GLI3: variants seen among roughly 807,000 people sequenced by gnomAD.
GLI3 encodes GLI family zinc finger 3.
Under a neutral mutation model 100.8 loss-of-function variants are expected in GLI3, and 20 were observed. The ratio of observed to expected loss-of-function variants is 0.20; its 90% CI spans 0.14 to 0.29. The LOEUF (loss-of-function observed/expected upper bound fraction) is 0.29. GLI3 is among the 10% of genes least tolerant of loss of function. The pLI is 1.00. For synonymous variants in GLI3, 938 were observed against 860.5 expected (o/e 1.09, Z -1.58); for missense variants, 2,040 against 2,128.5 (o/e 0.96, Z 0.82).
chr7:42,113,562 A>G, intron 3 of GLI3: 1 of 1,134,226 alleles, frequency 8.8e-7, no homozygotes, highest in Non-Finnish European at 1.3e-6. Context: ...AACCCTACAG[A>G]AAATGGAGTT....
At chr7:42,193,538 A>G (rs1787869709) in intron 2 of GLI3, among the ~76,000 whole-genome samples, 2 of 152,140 alleles carry the variant, frequency 1.3e-5, no homozygotes, top group African/African-American at 4.8e-5. Flanking sequence ...TCTCCACATA[A>G]AATTAATTTG....
chr7:42,171,252 G>A (rs1393632798), intron 2 of GLI3, among the ~76,000 whole-genome samples: 2 of 152,152 alleles, frequency 1.3e-5, no homozygotes, highest in Non-Finnish European at 2.9e-5. Flanking sequence ...CAGGCTTCAC[G>A]AAATAGACAT....
chr7:42,059,254 T>C (rs1174280538), intron 4 of GLI3, among the ~76,000 whole-genome samples: 1 of 152,036 alleles, frequency 6.6e-6, no homozygotes, highest in East Asian at 1.9e-4. Context: ...GACTTTTTTG[T>C]CCTCCAAATG....
chr7:42,187,648 T>C (rs1787743653), intron 2 of GLI3, among the ~76,000 whole-genome samples: 4 of 152,084 alleles, frequency 2.6e-5, no homozygotes, highest in Admixed American at 2.6e-4. Context: ...CAGATGTAAT[T>C]TGTAAGATGA....
chr7:42,077,334 A>C (rs1055196058), intron 3 of GLI3, among the ~76,000 whole-genome samples: 2 of 152,064 alleles, frequency 1.3e-5, no homozygotes, highest in African/African-American at 2.4e-5. Flanking sequence ...GGCTTGCTAG[A>C]ATCTGTGGCT....
intron 1 of GLI3, among the ~76,000 whole-genome samples, chr7:42,247,148 T>C (rs536832849): frequency 5.9e-5 from 9 of 152,248 alleles, no homozygotes; most frequent in African/African-American, 2.2e-4. Flanking sequence ...TGGGAGGTGG[T>C]GGTTCACTCT....
In GLI3 at chr7:42,022,459, G is replaced by A. The variant is rs977481347; in HGVS notation, c.1497+1009C>T. 1.2e-3 allele frequency among the ~76,000 whole-genome samples: 178 copies of A among 152,192 alleles called. 5 individuals are homozygous for A. The highest frequency in any genetic ancestry group is 3.9e-3 in the African/African-American group (160 of 41,522). On this transcript the variant is annotated intron_variant, in intron 10 of 14. Coordinates refer to ENST00000395925, the MANE Select transcript of GLI3 (RefSeq NM_000168.6). Reference sequence around the variant, plus strand: ...AAAAATACAGTTACTGTAAAAAAAAGAATGTACCACGAAAGAGAAAGTGGA... The same window carrying A: ...AAAAATACAGTTACTGTAAAAAAAAAAATGTACCACGAAAGAGAAAGTGGA...
intron 3 of GLI3, among the ~76,000 whole-genome samples, chr7:42,081,384 A>AGTGT (rs1287563630): frequency 6.6e-6 from 1 of 152,168 alleles, no homozygotes; most frequent in African/African-American, 2.4e-5. Flanking sequence ...AGATTTGAAG[A>AGTGT]GTGTGCACTC....
intron 6 of GLI3, among the ~76,000 whole-genome samples, chr7:42,043,507 A>C (rs1784184784): frequency 6.6e-6 from 1 of 152,212 alleles, no homozygotes. Flanking sequence ...TATAAGCCAG[A>C]GAATTCTTAT....
intron 4 of GLI3, among the ~76,000 whole-genome samples, chr7:42,069,214 CCTGCTTTCT>C (rs900260063): frequency 2.0e-5 from 3 of 152,194 alleles, no homozygotes; most frequent in African/African-American, 4.8e-5. Flanking sequence ...ATAATTAGGG[CCTGCTTTCT>C]CTGCAACTGA....
Position 41,964,291 on chromosome 7 carries a change from T to A in GLI3, c.*39A>T, listed in dbSNP as rs572555717. 1.9e-6 allele frequency: 3 copies of A among 1,592,022 alleles called. No individual in the cohort carries two copies. In the African/African-American group the frequency reaches 4.0e-5, roughly 21 times the overall value. Reference sequence around the variant, plus strand: ...AAGTCAGTTTAATCTCTTCAACTCCTATTGATTTCCGTTGGTTGCAGTCTT... The same window carrying A: ...AAGTCAGTTTAATCTCTTCAACTCCAATTGATTTCCGTTGGTTGCAGTCTT... On this transcript the variant is annotated 3_prime_UTR_variant, in exon 15 of 15. Coordinates refer to ENST00000395925, the MANE Select transcript of GLI3 (RefSeq NM_000168.6).
At chr7:42,125,057 C>T (rs1562744037) in intron 3 of GLI3, among the ~76,000 whole-genome samples, 3 of 152,106 alleles carry the variant, frequency 2.0e-5, no homozygotes, top group African/African-American at 7.2e-5. Flanking sequence ...ACACAGTTGA[C>T]AGAGAATAGA....
intron 3 of GLI3, among the ~76,000 whole-genome samples, chr7:42,128,736 T>C (rs1402229201): frequency 6.6e-6 from 1 of 152,194 alleles, no homozygotes; most frequent in Non-Finnish European, 1.5e-5. Flanking sequence ...TATTTTTTTT[T>C]TAGGGTGAGA....
At chr7:42,137,843 G>C (rs187909001) in intron 3 of GLI3, among the ~76,000 whole-genome samples, 1 of 152,112 alleles carries the variant, frequency 6.6e-6, no homozygotes, top group Non-Finnish European at 1.5e-5. Flanking sequence ...ACATAAAATC[G>C]CCTTAAGACT....
intron 2 of GLI3, among the ~76,000 whole-genome samples, chr7:42,208,752 T>C (rs925343716): frequency 6.6e-6 from 1 of 152,158 alleles, no homozygotes; most frequent in Non-Finnish European, 1.5e-5. Flanking sequence ...TCTATGAGGA[T>C]GTTCAAGAGG....
rs781471350 is a variant in GLI3 at position 41,965,225 on chromosome 7, C to A, written c.3848G>T (p.Ser1283Ile). ...GCCCCCGCTCCCTTGCATGGGGGTG[C>A]TCTTCAGCTTTGAGGCTTGAATCCC... is the stretch of plus-strand genomic sequence containing the variant. ...GAGIQASKLK[S>I]TPMQGSGGQL... The change falls in exon 15 of 15, where the codon AGC (serine) becomes ATC (isoleucine). Residue 1283 changes from serine (S) to isoleucine (I), a missense_variant. By Grantham distance (142) the Ser-to-Ile change is moderately radical. Coordinates refer to ENST00000395925, the MANE Select transcript of GLI3 (RefSeq NM_000168.6). The A allele has an allele frequency of 3.1e-6, 5 of 1,613,906 alleles. No individual in the cohort carries two copies. Among genetic ancestry groups the A allele is most frequent in the Non-Finnish European group, 3.4e-6 (4 of 1,180,002 alleles).
intron 2 of GLI3, among the ~76,000 whole-genome samples, chr7:42,189,543 A>G (rs928672678): frequency 1.1e-4 from 17 of 152,226 alleles, no homozygotes; most frequent in African/African-American, 2.9e-4. Context: ...AAATCAAAAT[A>G]AAACTATCAG....
intron 2 of GLI3, among the ~76,000 whole-genome samples, chr7:42,217,993 A>G (rs548342900): frequency 1.2e-4 from 19 of 152,356 alleles, no homozygotes; most frequent in African/African-American, 4.1e-4. Context: ...TGAGGAAACT[A>G]GAACGCTGAA....
rs1562656078 is a variant in GLI3 at position 41,964,064 on chromosome 7, G to GGT, written c.*265_*266insAC. ...TACTAAAAAGGGGGCGGGGCTTACA[G>GGT]TTTTTTTTTTTTTTTTTAAAAAGAG... On this transcript the variant is annotated 3_prime_UTR_variant, in exon 15 of 15. Transcript: ENST00000395925. The GGT allele has an allele frequency of 2.1e-4, 44 of 205,512 alleles. No individual in the cohort carries two copies. Among genetic ancestry groups the GGT allele is most frequent in the South Asian group, 6.1e-4 (7 of 11,500 alleles). 12.7% of individuals were successfully genotyped at this position (205,512 alleles called of 1,614,324 possible).
Sources: gnomAD v4.1 joint callset for allele counts (sites outside exome capture counted in the v4.1 genomes callset) on GRCh38, gnomAD v4.1.1 for gene constraint, MANE v1.5 for transcripts, NCBI Gene and HGNC (gene_info 2026-07-23, HGNC 2026-07-21) for gene names.